Variants in ATG16L1 observed in about 807,000 individuals in gnomAD.
ATG16L1 encodes autophagy-related protein 16-1.
ATG16L1 carries 37 observed loss-of-function variants against 88.5 expected under a neutral mutation model. The ratio of observed to expected loss-of-function variants is 0.42; its 90% confidence interval spans 0.32 to 0.55. ATG16L1 has a LOEUF of 0.55. Ranked by LOEUF, ATG16L1 falls within the 20% of genes least tolerant of loss-of-function variation. The pLI is 0.13. For synonymous variants in ATG16L1, 301 were observed against 281.0 expected, an observed-to-expected ratio of 1.07 and a Z score of -0.71; for missense variants, 554 against 752.8, an observed-to-expected ratio of 0.74 and a Z score of 3.09.
rs1696405161 is a variant in ATG16L1, at chr2:233,252,013, A to T, written c.115+71A>T. ...CGGAGGCATGCGGGGCGTCAGCGGG[A>T]ACCTGAGGCCGAGTCCCTGGCGCCG... On this transcript the variant is annotated intron_variant, in intron 1 of 17. Transcript: ENST00000392017. 2.2e-6 allele frequency: 3 copies of T among 1,346,942 alleles called. No individual in the cohort carries two copies. The East Asian group carries it at 9.0e-5, about 40-fold the overall frequency. The allele number at this position is 1,346,942 out of a possible 1,614,324, so 83.4% of individuals were successfully genotyped here. A position where few individuals can be genotyped will look rare whatever the true frequency, so the allele number is the denominator to read the frequency against.
intron 6 of ATG16L1, 48 bp from the exon 7 acceptor site, chr2:233,272,918 C>T: frequency 1.3e-6 from 2 of 1,535,568 alleles, no homozygotes; most frequent in African/African-American, 2.7e-5. Flanking sequence ...ACCGATTAAT[C>T]ACAGAACTGT....
chr2:233,290,789 T>A (rs1699409263), intron 14 of ATG16L1, among the ~76,000 whole-genome samples: 1 of 152,138 alleles, frequency 6.6e-6, no homozygotes, highest in African/African-American at 2.4e-5. Flanking sequence ...TGAGTGTGTG[T>A]CTGGTGGCTG....
chr2:233,251,836 G>C lies in ATG16L1; in HGVS notation c.9G>C (p.Ser3=). 6.5e-7 allele frequency: 1 copy of C among 1,549,770 alleles called. No homozygotes were observed. Among genetic ancestry groups the C allele is most frequent in the Non-Finnish European group, 8.7e-7 (1 of 1,146,876 alleles). Residue 3 remains serine, a synonymous_variant, in exon 1 of 18, where the codon TCG becomes TCC. Transcript: ENST00000392017. ...CCGGGGCAGCAAGTGACATGTCGTCGGGCCTCCGCGCCGCTGACTTCCCCC... is the reference window on the plus strand; with the variant it reads ...CCGGGGCAGCAAGTGACATGTCGTCCGGCCTCCGCGCCGCTGACTTCCCCC... MS[S]GLRAADFPRW...
chr2:233,284,622 G>T (rs1422073972), intron 12 of ATG16L1, among the ~76,000 whole-genome samples: 3 of 152,140 alleles, frequency 2.0e-5, no homozygotes, highest in African/African-American at 4.8e-5. Flanking sequence ...CTGAGCCACT[G>T]CGCCTAGCCC....
intron 12 of ATG16L1, among the ~76,000 whole-genome samples, chr2:233,283,227 G>A (rs1159478779): frequency 6.6e-6 from 1 of 152,184 alleles, no homozygotes; most frequent in Admixed American, 6.5e-5. Context: ...GTTGAGGAAA[G>A]CTGCATTTGA....
At chr2:233,281,029 A>G (rs1188831145) in intron 10 of ATG16L1, 76 bp from the exon 11 acceptor site, 3 of 928,296 alleles carry the variant, frequency 3.2e-6, no homozygotes, top group Non-Finnish European at 5.0e-6. Context: ...CTTCCATTGT[A>G]TTTCAGTGCC....
intron 5 of ATG16L1, among the ~76,000 whole-genome samples, chr2:233,266,363 G>A (rs1697579782): frequency 6.6e-6 from 1 of 152,322 alleles, no homozygotes; most frequent in African/African-American, 2.4e-5. Flanking sequence ...GGAGGCTGCT[G>A]CGGGAGAGTT....
chr2:233,289,977 G>A lies in ATG16L1; in HGVS notation c.1324+3G>A, dbSNP rs780387292. On this transcript the variant is annotated splice_donor_region_variant and intron_variant, in intron 13 of 17. Transcript: ENST00000392017. ...CTGGGATCTACGCAGCAAAGTCTGT[G>A]AGGAAATTCAGTCTCTCTGTCTGTG... 4.3e-6 allele frequency: 7 copies of A among 1,613,428 alleles called. No individual in the cohort carries two copies. The Admixed American group carries it at 8.3e-5, about 19-fold the overall frequency.
In ATG16L1 at chr2:233,251,757, T is replaced by C; in HGVS notation, c.-71T>C. 1 of 1,405,750 alleles carries C rather than the reference T, an allele frequency of 7.1e-7. No homozygotes were observed. Among genetic ancestry groups the C allele is most frequent in the Non-Finnish European group, 9.8e-7 (1 of 1,021,160 alleles). 87.1% of individuals were successfully genotyped at this position (1,405,750 alleles called of 1,614,324 possible). A position where few individuals can be genotyped will look rare whatever the true frequency, so the allele number is the denominator to read the frequency against. ...GGCATTCCCGCTTCTGCTGGTTGCT[T>C]CATGCTGCAGGCTGCGGCCGTCAGC... On this transcript the variant is annotated 5_prime_UTR_variant, in exon 1 of 18. Coordinates refer to ENST00000392017, the MANE Select transcript of ATG16L1 (RefSeq NM_030803.7).
chr2:233,259,493 A>G (rs1043745434), intron 2 of ATG16L1, among the ~76,000 whole-genome samples: 6 of 152,170 alleles, frequency 3.9e-5, no homozygotes, highest in African/African-American at 1.4e-4. Flanking sequence ...ACAGTCAGTT[A>G]TTATTTATAA....
At chr2:233,284,075 A>C (rs1195401551) in intron 12 of ATG16L1, among the ~76,000 whole-genome samples, 1 of 138,338 alleles carries the variant, frequency 7.2e-6, no homozygotes, top group Non-Finnish European at 1.5e-5. Flanking sequence ...TCTTGAACTG[A>C]CCTCATGATC....
chr2:233,273,119 C>T, intron 7 of ATG16L1, 67 bp downstream of exon 7: 1 of 1,358,424 alleles, frequency 7.4e-7, no homozygotes. Context: ...CATCTGTGGA[C>T]ATGACAAAGA....
At position 233,264,895 on chromosome 2, in the gene ATG16L1, T is replaced by C; in HGVS notation, c.393T>C (p.Ile131=). 1 of 1,613,878 alleles carries C rather than the reference T, an allele frequency of 6.2e-7. No homozygotes were observed. Among genetic ancestry groups the C allele is most frequent in the African/African-American group, 1.3e-5 (1 of 75,062 alleles). Residue 131 remains isoleucine (I), a synonymous_variant, in exon 5 of 18, where the codon ATT becomes ATC. Transcript: ENST00000392017. ...DREMQMNEAK[I]AECLQTISDL... The stretch of plus-strand genomic sequence containing the variant: ...TCCTCTGATGTCATGCTTCCAGAAT[T>C]GCAGAATGTTTGCAGACTATCTCTG...
intron 6 of ATG16L1, among the ~76,000 whole-genome samples, chr2:233,271,946 CAT>C (rs1157054524): frequency 6.6e-6 from 1 of 152,232 alleles, no homozygotes; most frequent in Non-Finnish European, 1.5e-5. Context: ...AATAATTACA[CAT>C]AGTCCTGGAA....
At chr2:233,268,106 C>G (rs1697734806) in intron 5 of ATG16L1, among the ~76,000 whole-genome samples, 1 of 152,166 alleles carries the variant, frequency 6.6e-6, no homozygotes, top group African/African-American at 2.4e-5. Context: ...CACACTCTGC[C>G]TCCTTCCCTT....
At chr2:233,252,630 T>C (rs2125186547) in intron 1 of ATG16L1, among the ~76,000 whole-genome samples, 1 of 152,192 alleles carries the variant, frequency 6.6e-6, no homozygotes, top group East Asian at 1.9e-4. Context: ...TCAAACGATC[T>C]TCCCACCTCG....
chr2:233,289,841 TTC>T lies in ATG16L1; in HGVS notation c.1204-6_1204-5del. On this transcript the variant is annotated splice_polypyrimidine_tract_variant and intron_variant, in intron 12 of 17. Coordinates refer to ENST00000392017, the MANE Select transcript of ATG16L1 (RefSeq NM_030803.7). Reference sequence around the variant, plus strand: ...CGCCCTGAGGCTCACCCTGGCTGTGTTCTCTCTCCTAGCACACACTCACGGGA... The same window carrying T: ...CGCCCTGAGGCTCACCCTGGCTGTGTTCTCTCCTAGCACACACTCACGGGA... 1.9e-6 allele frequency: 3 copies of T among 1,611,372 alleles called. No individual in the cohort carries two copies. Among genetic ancestry groups the T allele is most frequent in the Non-Finnish European group, 2.5e-6 (3 of 1,177,650 alleles).
At chr2:233,266,717 C>G (rs530699312) in intron 5 of ATG16L1, among the ~76,000 whole-genome samples, 27 of 152,240 alleles carry the variant, frequency 1.8e-4, no homozygotes, top group African/African-American at 6.3e-4. Flanking sequence ...AGCCAAGATA[C>G]GGATCAATCT....
At chr2:233,263,584 A>AT (rs1194593284) in intron 3 of ATG16L1, among the ~76,000 whole-genome samples, 3 of 152,208 alleles carry the variant, frequency 2.0e-5, no homozygotes, top group Non-Finnish European at 4.4e-5. Context: ...AAACCCTGAA[A>AT]TTTCAGAGAC....
Sources: gnomAD v4.1 joint callset for allele counts (sites outside exome capture counted in the v4.1 genomes callset) on GRCh38, gnomAD v4.1.1 for gene constraint, MANE v1.5 for transcripts, NCBI Gene and HGNC (gene_info 2026-07-23, HGNC 2026-07-21) for gene names.